ARHGAP15: variants seen among roughly 807,000 people sequenced by gnomAD.
ARHGAP15 encodes rho GTPase-activating protein 15.
In ARHGAP15, 51 loss-of-function variants were observed where a neutral mutation model predicts 63.7. The observed-to-expected ratio is 0.80, with a 90% CI of 0.64 to 1.01. The LOEUF (loss-of-function observed/expected upper bound fraction) is 1.01, where lower values mean the gene tolerates loss of function less well. ARHGAP15 is among the 50% of genes least tolerant of loss of function. The pLI, the probability that ARHGAP15 is intolerant of heterozygous loss-of-function variation, is 0.00. For missense variants in ARHGAP15, 560 were observed against 564.6 expected (o/e 0.99, Z 0.08); for synonymous variants, 191 against 193.8 (o/e 0.99, Z 0.12).
At chr2:143,578,798 A>G (rs1574657115) in intron 11 of ARHGAP15, among the ~76,000 whole-genome samples, 1 of 152,212 alleles carries the variant, frequency 6.6e-6, no homozygotes, top group East Asian at 1.9e-4. Flanking sequence ...TGCTAAAAAA[A>G]CTACAAATCA....
rs1218785713 is a variant in ARHGAP15 at position 143,134,163 on chromosome 2, C to A, written c.-15+4697C>A. 5.6e-5 allele frequency among the ~76,000 whole-genome samples: 7 copies of A among 126,102 alleles called. No individual in the cohort carries two copies. The East Asian group carries it at 1.3e-3, about 23-fold the overall frequency. The allele number at this position is 126,102 out of a possible 152,430, so 82.7% of individuals were successfully genotyped here. A position where few individuals can be genotyped will look rare whatever the true frequency, so the allele number is the denominator to read the frequency against. On this transcript the variant is annotated intron_variant, in intron 1 of 13. Coordinates refer to ENST00000295095, the MANE Select transcript of ARHGAP15 (RefSeq NM_018460.4). ...TCTATCTATCTATCTACCTATCTAT[C>A]TATCATCTATCTATCTATCATCTAT...
intron 13 of ARHGAP15, among the ~76,000 whole-genome samples, chr2:143,749,267 G>C (rs758097423): frequency 2.6e-5 from 4 of 152,172 alleles, no homozygotes; most frequent in African/African-American, 7.2e-5. Flanking sequence ...CCGGCTCCGA[G>C]AATATTTGTC....
chr2:143,676,451 T>C (rs1003494974), intron 12 of ARHGAP15: 1 of 152,206 alleles, frequency 6.6e-6, no homozygotes, highest in African/African-American at 2.4e-5. Context: ...CTCAATCCTG[T>C]TCTGCTTTTG....
At chr2:143,518,869 C>G (rs1693937224) in intron 9 of ARHGAP15, 1 of 163,124 alleles carries the variant, frequency 6.1e-6, no homozygotes, top group South Asian at 1.6e-4. Flanking sequence ...ATACTGATAA[C>G]ATTGTAATTT....
chr2:143,295,256 C>T (rs1320981201), intron 6 of ARHGAP15, among the ~76,000 whole-genome samples: 7 of 152,156 alleles, frequency 4.6e-5, no homozygotes, highest in African/African-American at 1.7e-4. Flanking sequence ...TCTAATTAGG[C>T]ATGGCTTAAG....
At chr2:143,225,137 C>A (rs1285562205) in intron 4 of ARHGAP15, among the ~76,000 whole-genome samples, 1 of 152,210 alleles carries the variant, frequency 6.6e-6, no homozygotes, top group Non-Finnish European at 1.5e-5. Flanking sequence ...TCTTAAAATA[C>A]TTCATAATTT....
intron 13 of ARHGAP15, among the ~76,000 whole-genome samples, chr2:143,765,109 ATGTGTGTGTG>A (rs60894627): frequency 0.017 from 2,541 of 147,616 alleles, 15 homozygotes; most frequent in Middle Eastern, 0.043. Flanking sequence ...CCTCTAAAAT[ATGTGTGTGTG>A]TGTGTGTGTG....
At chr2:143,371,157 A>G (rs192158425) in intron 6 of ARHGAP15, among the ~76,000 whole-genome samples, 1 of 152,326 alleles carries the variant, frequency 6.6e-6, no homozygotes, top group African/African-American at 2.4e-5. Flanking sequence ...TATTGGCAAG[A>G]TAAATTTATT....
intron 2 of ARHGAP15, among the ~76,000 whole-genome samples, chr2:143,156,530 A>G (rs899553717): frequency 1.3e-5 from 2 of 151,892 alleles, no homozygotes; most frequent in African/African-American, 4.8e-5. Flanking sequence ...TGTTAATATC[A>G]TAGGGGCCTA....
intron 11 of ARHGAP15, among the ~76,000 whole-genome samples, chr2:143,581,420 T>G: frequency 6.6e-6 from 1 of 151,576 alleles, no homozygotes; most frequent in African/African-American, 2.4e-5. Context: ...CCTACAAATC[T>G]CTTATTCATC....
intron 6 of ARHGAP15, among the ~76,000 whole-genome samples, chr2:143,346,509 A>T (rs950196144): frequency 6.6e-6 from 1 of 152,066 alleles, no homozygotes; most frequent in Admixed American, 6.6e-5. Flanking sequence ...ATTAAGCCAA[A>T]AATAAGTGCA....
At chr2:143,534,898 C>A (rs1000673179) in intron 10 of ARHGAP15, among the ~76,000 whole-genome samples, 53 of 151,468 alleles carry the variant, frequency 3.5e-4, no homozygotes, top group African/African-American at 1.2e-3. Context: ...AAATAAAAAA[C>A]AAAACAAAAA....
chr2:143,447,864 G>A (rs1193192551), intron 8 of ARHGAP15, among the ~76,000 whole-genome samples: 2 of 152,158 alleles, frequency 1.3e-5, no homozygotes, highest in Non-Finnish European at 2.9e-5. Context: ...GGGAAAGGCT[G>A]AACTGTGAGG....
chr2:143,281,203 C>G (rs1327301509), intron 6 of ARHGAP15, among the ~76,000 whole-genome samples: 3 of 152,096 alleles, frequency 2.0e-5, no homozygotes, highest in Non-Finnish European at 2.9e-5. Flanking sequence ...GTTGACTACT[C>G]TGCTACACAT....
intron 11 of ARHGAP15, among the ~76,000 whole-genome samples, chr2:143,602,101 A>C (rs2105194112): frequency 6.6e-6 from 1 of 152,226 alleles, no homozygotes; most frequent in South Asian, 2.1e-4. Context: ...ATATAGGTGG[A>C]GGTTTAAGGA....
At chr2:143,231,124 G>C (rs1693419349) in intron 5 of ARHGAP15, among the ~76,000 whole-genome samples, 1 of 129,170 alleles carries the variant, frequency 7.7e-6, no homozygotes, top group South Asian at 2.5e-4. Flanking sequence ...TCACTTCTTT[G>C]AGCTTCAGAA....
chr2:143,343,608 A>G (rs1685152498), intron 6 of ARHGAP15, among the ~76,000 whole-genome samples: 1 of 152,060 alleles, frequency 6.6e-6, no homozygotes, highest in Non-Finnish European at 1.5e-5. Flanking sequence ...TGTTGCGTTA[A>G]TGAATGATTT....
At chr2:143,289,960 G>T (rs570202108) in intron 6 of ARHGAP15, among the ~76,000 whole-genome samples, 5 of 152,176 alleles carry the variant, frequency 3.3e-5, no homozygotes, top group Admixed American at 3.3e-4. Flanking sequence ...TAAATGAAAG[G>T]ACTTTCTTAA....
intron 12 of ARHGAP15, among the ~76,000 whole-genome samples, chr2:143,667,940 T>C (rs970881305): frequency 6.6e-6 from 1 of 152,024 alleles, no homozygotes; most frequent in African/African-American, 2.4e-5. Context: ...GCGAGCTATG[T>C]TTGCACCACT....
Sources: allele counts gnomAD v4.1 joint callset (sites outside exome capture counted in the v4.1 genomes callset), GRCh38; gene constraint gnomAD v4.1.1; transcripts MANE v1.5; gene names NCBI Gene and HGNC (gene_info 2026-07-23, HGNC 2026-07-21).